The following N4BP1 variants were observed in gnomAD, a reference collection of about 807,000 sequenced individuals.
N4BP1 encodes NEDD4 binding protein 1, also known as NEDD4-binding protein 1.
N4BP1 carries 21 observed loss-of-function variants against 70.9 expected under a neutral mutation model. That is an observed-to-expected ratio of 0.30 (90% confidence interval 0.21 to 0.43). The LOEUF (loss-of-function observed/expected upper bound fraction) is 0.43, where lower values mean the gene tolerates loss of function less well. Among genes scored for constraint, N4BP1 ranks in the 20% least tolerant of loss-of-function variants. The probability of loss-of-function intolerance (pLI) is 1.00; values close to 1 mark genes in which losing one functional copy is unlikely to be tolerated. For missense variants in N4BP1, 936 were observed against 1,069.4 expected (o/e 0.88, Z 1.74); for synonymous variants, 387 against 394.6 (o/e 0.98, Z 0.23).
chr16:48,574,092 C>G (rs1213056302), intron 1 of N4BP1, among the ~76,000 whole-genome samples: 7 of 152,162 alleles, frequency 4.6e-5, no homozygotes, highest in Admixed American at 3.3e-4. Flanking sequence ...TCAGAACAAA[C>G]AGCTAAAAAC....
intron 1 of N4BP1, among the ~76,000 whole-genome samples, chr16:48,580,163 GTTGT>G (rs1383334275): frequency 1.3e-5 from 2 of 151,842 alleles, no homozygotes; most frequent in Non-Finnish European, 2.9e-5. Flanking sequence ...AATAAAATGA[GTTGT>G]TTATGAAAAG....
intron 4 of N4BP1, among the ~76,000 whole-genome samples, chr16:48,551,071 A>G (rs1339347485): frequency 6.6e-6 from 1 of 152,220 alleles, no homozygotes; most frequent in African/African-American, 2.4e-5. Flanking sequence ...AGAGGAGATA[A>G]TATTTGAAAC....
Position 48,560,742 on chromosome 16 carries a change from G to A in N4BP1, c.1889+12C>T, listed in dbSNP as rs1963841340. 1 of 1,584,098 alleles carries A rather than the reference G, an allele frequency of 6.3e-7. No individual in the cohort carries two copies. Among genetic ancestry groups the A allele is most frequent in the African/African-American group, 1.4e-5 (1 of 73,512 alleles). ...TATTTAAAATAAAATAATCTGCAGA[G>A]AATGGACTTACGTAATTGCAACATT... On this transcript the variant is annotated intron_variant, in intron 2 of 6. Transcript: ENST00000262384.
At chr16:48,566,085 TGTCA>T (rs1316247168) in intron 1 of N4BP1, among the ~76,000 whole-genome samples, 1 of 152,168 alleles carries the variant, frequency 6.6e-6, no homozygotes, top group Non-Finnish European at 1.5e-5. Context: ...TTTTCTCTAT[TGTCA>T]GTGTTTTCAA....
chr16:48,563,767 G>C (rs946199241), intron 1 of N4BP1, among the ~76,000 whole-genome samples: 6 of 152,200 alleles, frequency 3.9e-5, no homozygotes, highest in Admixed American at 3.9e-4. Flanking sequence ...GTGAATGCTG[G>C]CGTGAGCCAC....
chr16:48,600,770 C>T, intron 1 of N4BP1: 1 of 287,856 alleles, frequency 3.5e-6, no homozygotes, highest in South Asian at 3.5e-5. Context: ...ATATATCTTT[C>T]CTACACTGCC....
chr16:48,548,704 C>A (rs1963623393), intron 4 of N4BP1, among the ~76,000 whole-genome samples: 1 of 151,830 alleles, frequency 6.6e-6, no homozygotes, highest in Non-Finnish European at 1.5e-5. Flanking sequence ...AAAAAATTAG[C>A]CGGGTGTTCC....
In N4BP1 at chr16:48,540,579, T is replaced by C. The variant is rs1199477169; in HGVS notation, c.*2325A>G. ...CAGCGGCCTGGAGCCTCGGGAAGAA[T>C]GTAGGCCCAGGAATCACCCAGCCCC... On this transcript the variant is annotated 3_prime_UTR_variant, in exon 7 of 7. Transcript: ENST00000262384. The C allele has an allele frequency of 6.6e-6, 1 of 152,392 alleles. No individual in the cohort carries two copies. Among genetic ancestry groups the C allele is most frequent in the Non-Finnish European group, 1.5e-5 (1 of 68,202 alleles). The allele number at this position is 152,392 out of a possible 1,614,324, so 9.4% of individuals were successfully genotyped here.
At chr16:48,568,261 TG>T (rs1963970016) in intron 1 of N4BP1, among the ~76,000 whole-genome samples, 1 of 152,210 alleles carries the variant, frequency 6.6e-6, no homozygotes, top group South Asian at 2.1e-4. Context: ...CAAATCCCGT[TG>T]GTAAAAATTT....
At chr16:48,571,398 A>G (rs1464122404) in intron 1 of N4BP1, among the ~76,000 whole-genome samples, 1 of 152,238 alleles carries the variant, frequency 6.6e-6, no homozygotes, top group Non-Finnish European at 1.5e-5. Flanking sequence ...GATTCTGCCC[A>G]GATACAGAGC....
At chr16:48,547,139 A>G (rs1963601429) in intron 5 of N4BP1, among the ~76,000 whole-genome samples, 1 of 152,248 alleles carries the variant, frequency 6.6e-6, no homozygotes, top group African/African-American at 2.4e-5. Flanking sequence ...AATATAAATA[A>G]CAGGCAAGGT....
At chr16:48,596,769 C>T (rs1567445203) in intron 1 of N4BP1, among the ~76,000 whole-genome samples, 1 of 152,206 alleles carries the variant, frequency 6.6e-6, no homozygotes, top group Non-Finnish European at 1.5e-5. Context: ...CCCTTCTTGT[C>T]TGGGGACCAG....
chr16:48,545,935 G>A (rs1400340943), intron 6 of N4BP1, among the ~76,000 whole-genome samples: 1 of 151,784 alleles, frequency 6.6e-6, no homozygotes, highest in African/African-American at 2.4e-5. Flanking sequence ...GCTAAGGTGG[G>A]AGGATCGCTG....
intron 2 of N4BP1, among the ~76,000 whole-genome samples, chr16:48,558,067 T>G (rs1963783249): frequency 6.6e-6 from 1 of 152,106 alleles, no homozygotes; most frequent in Non-Finnish European, 1.5e-5. Context: ...TTACATCTAG[T>G]TCCAAAATGT....
chr16:48,591,135 C>T (rs891735481), intron 1 of N4BP1, among the ~76,000 whole-genome samples: 1 of 152,166 alleles, frequency 6.6e-6, no homozygotes, highest in Non-Finnish European at 1.5e-5. Context: ...GAAATTGGCT[C>T]CTCTAAGCAC....
intron 1 of N4BP1, among the ~76,000 whole-genome samples, chr16:48,596,496 C>A (rs931091682): frequency 6.6e-6 from 1 of 152,160 alleles, no homozygotes; most frequent in South Asian, 2.1e-4. Context: ...GACTGACGGC[C>A]CTTTCCCAAC....
chr16:48,583,733 T>C (rs1964204349), intron 1 of N4BP1, among the ~76,000 whole-genome samples: 1 of 152,246 alleles, frequency 6.6e-6, no homozygotes, highest in Non-Finnish European at 1.5e-5. Context: ...ACATTCCTGC[T>C]GGTCCCTCAT....
intron 1 of N4BP1, among the ~76,000 whole-genome samples, chr16:48,576,570 C>T (rs1018694927): frequency 6.6e-6 from 1 of 152,210 alleles, no homozygotes; most frequent in African/African-American, 2.4e-5. Context: ...CAAAGAACCT[C>T]TTCAAGTTCC....
In N4BP1 at chr16:48,542,814, T is replaced by C; in HGVS notation, c.*90A>G. On this transcript the variant is annotated 3_prime_UTR_variant, in exon 7 of 7. Coordinates refer to ENST00000262384, the MANE Select transcript of N4BP1 (RefSeq NM_153029.4). ...GCGTTTACACTGGGAAATAAGTTTC[T>C]TCACATTATGTTCATTCCCATCAGG... is the stretch of plus-strand genomic sequence containing the variant. 1 of 1,174,474 alleles carries C rather than the reference T, an allele frequency of 8.5e-7. No individual in the cohort carries two copies. Among genetic ancestry groups the C allele is most frequent in the Non-Finnish European group, 1.2e-6 (1 of 849,810 alleles). 72.8% of individuals were successfully genotyped at this position (1,174,474 alleles called of 1,614,324 possible).
Sources: gnomAD v4.1 joint callset for allele counts (sites outside exome capture counted in the v4.1 genomes callset) on GRCh38, gnomAD v4.1.1 for gene constraint, MANE v1.5 for transcripts, NCBI Gene and HGNC (gene_info 2026-07-23, HGNC 2026-07-21) for gene names.